ANKS1B: variants seen among roughly 807,000 people sequenced by gnomAD.
ANKS1B encodes the protein ankyrin repeat and sterile alpha motif domain containing 1B, also known as ankyrin repeat and sterile alpha motif domain-containing protein 1B.
ANKS1B carries 36 observed loss-of-function variants against 148.3 expected under a neutral mutation model. That is an observed-to-expected ratio of 0.24 (90% CI 0.19 to 0.32). ANKS1B has a LOEUF of 0.32. Ranked by LOEUF, ANKS1B falls within the 10% of genes least tolerant of loss-of-function variation. The pLI, the probability that ANKS1B is intolerant of heterozygous loss-of-function variation, is 1.00. For synonymous variants in ANKS1B, 542 were observed against 560.8 expected (o/e 0.97, Z 0.47); for missense variants, 1,157 against 1,542.6 (o/e 0.75, Z 4.19).
chr12:99,885,161 C>CT (rs2092754783), intron 1 of ANKS1B, among the ~76,000 whole-genome samples: 1 of 152,062 alleles, frequency 6.6e-6, no homozygotes, highest in South Asian at 2.1e-4. Context: ...CTCTTCCCTA[C>CT]TTTGCTTGGC....
chr12:99,889,440 CAT>C (rs1603439732), intron 1 of ANKS1B, among the ~76,000 whole-genome samples: 1 of 152,122 alleles, frequency 6.6e-6, no homozygotes, highest in Admixed American at 6.5e-5. Flanking sequence ...TCTTTTTTTG[CAT>C]ATATGTCACC....
intron 8 of ANKS1B, among the ~76,000 whole-genome samples, chr12:99,771,347 C>T (rs1016067961): frequency 6.6e-6 from 1 of 151,678 alleles, no homozygotes; most frequent in Admixed American, 6.6e-5. Flanking sequence ...GTACGTACAA[C>T]AAAAAAGTTT....
intron 10 of ANKS1B, among the ~76,000 whole-genome samples, chr12:99,489,956 C>T (rs564322305): frequency 4.6e-4 from 70 of 152,332 alleles, no homozygotes; most frequent in African/African-American, 1.6e-3. Flanking sequence ...GGTTCTCCCA[C>T]AGAGAATGAG....
intron 12 of ANKS1B, among the ~76,000 whole-genome samples, chr12:99,338,305 C>T (rs538966362): frequency 2.6e-5 from 4 of 152,312 alleles, no homozygotes; most frequent in African/African-American, 9.6e-5. Context: ...GTGGGTACCA[C>T]TGCCCCAGGC....
At chr12:99,294,182 C>T (rs1374386952) in intron 12 of ANKS1B, among the ~76,000 whole-genome samples, 1 of 152,004 alleles carries the variant, frequency 6.6e-6, no homozygotes, top group Non-Finnish European at 1.5e-5. Flanking sequence ...AGTTATATAC[C>T]CAAATGAAAT....
chr12:98,897,049 C>A (rs1176447974), intron 17 of ANKS1B, among the ~76,000 whole-genome samples: 14 of 152,102 alleles, frequency 9.2e-5, no homozygotes, highest in Non-Finnish European at 1.3e-4. Context: ...ACTCTAGAGT[C>A]ATTTGGGATG....
At chr12:99,539,370 T>C (rs2097103565) in intron 9 of ANKS1B, among the ~76,000 whole-genome samples, 1 of 152,184 alleles carries the variant, frequency 6.6e-6, no homozygotes, top group Non-Finnish European at 1.5e-5. Flanking sequence ...GAGGAAATAT[T>C]GGGGCAAAGT....
At chr12:99,919,770 C>T (rs1174742222) in intron 1 of ANKS1B, among the ~76,000 whole-genome samples, 1 of 101,328 alleles carries the variant, frequency 9.9e-6, no homozygotes, top group Non-Finnish European at 2.0e-5. Flanking sequence ...TTGAAATGTG[C>T]TGCAGAGTTA....
intron 17 of ANKS1B, among the ~76,000 whole-genome samples, chr12:99,000,506 T>G (rs1274016868): frequency 1.3e-5 from 2 of 152,164 alleles, no homozygotes; most frequent in Non-Finnish European, 2.9e-5. Flanking sequence ...TGGCCTCAAG[T>G]GATCCTCCTG....
chr12:99,451,786 C>CGTGTGTGTGTGTGTGT lies in ANKS1B; in HGVS notation c.1439-7993_1439-7978dup, dbSNP rs147892225. 4.5e-3 allele frequency among the ~76,000 whole-genome samples: 684 copies of CGTGTGTGTGTGTGTGT among 150,540 alleles called. 7 individuals carry two copies. Among genetic ancestry groups the CGTGTGTGTGTGTGTGT allele is most frequent in the African/African-American group, 0.016 (642 of 41,068 alleles). ...AAGACAAATGAGGCATGTACAGATA[C>CGTGTGTGTGTGTGTGT]GTGTGTGTGTGTGTGTATGTGTATG... On this transcript the variant is annotated intron_variant, in intron 10 of 26. Coordinates refer to ENST00000683438, the MANE Select transcript of ANKS1B (RefSeq NM_001352186.2).
chr12:98,860,176 T>C (rs2099591657), intron 17 of ANKS1B, among the ~76,000 whole-genome samples: 3 of 152,252 alleles, frequency 2.0e-5, no homozygotes, highest in Admixed American at 1.3e-4. Context: ...AAGACCTGAA[T>C]ATCCTGATAC....
chr12:98,825,858 C>T (rs918801044), intron 19 of ANKS1B, among the ~76,000 whole-genome samples: 3 of 152,206 alleles, frequency 2.0e-5, no homozygotes, highest in African/African-American at 7.2e-5. Context: ...TTCCACATAA[C>T]TCAGAATTAA....
intron 17 of ANKS1B, among the ~76,000 whole-genome samples, chr12:98,844,540 C>A (rs1242338497): frequency 6.6e-6 from 1 of 152,106 alleles, no homozygotes; most frequent in Non-Finnish European, 1.5e-5. Context: ...CTTTTTTTGA[C>A]AGGTATTAGT....
intron 12 of ANKS1B, among the ~76,000 whole-genome samples, chr12:99,312,263 G>T (rs748613788): frequency 1.3e-5 from 2 of 152,120 alleles, no homozygotes; most frequent in African/African-American, 2.4e-5. Context: ...TTAACAAAAG[G>T]CATTGGCAAC....
intron 15 of ANKS1B, among the ~76,000 whole-genome samples, chr12:99,120,540 G>A (rs1010536100): frequency 2.0e-5 from 3 of 152,142 alleles, no homozygotes; most frequent in African/African-American, 7.2e-5. Context: ...GCAAGGCATT[G>A]GTTTAGAAAC....
At chr12:98,742,711 A>G (rs1409491704), downstream of ANKS1B, among the ~76,000 whole-genome samples, 1 of 152,270 alleles carries the variant, frequency 6.6e-6, no homozygotes, top group Non-Finnish European at 1.5e-5. Flanking sequence ...GGCCTGAGCA[A>G]GTTCAAAGCG....
chr12:99,054,042 A>T (rs540249275), intron 16 of ANKS1B, among the ~76,000 whole-genome samples: 1 of 152,192 alleles, frequency 6.6e-6, no homozygotes. Flanking sequence ...AGCAAGAGGA[A>T]CTTCTGGGTT....
intron 16 of ANKS1B, among the ~76,000 whole-genome samples, chr12:99,079,072 C>A (rs2048799202): frequency 6.6e-6 from 1 of 152,140 alleles, no homozygotes; most frequent in Non-Finnish European, 1.5e-5. Flanking sequence ...GAGCCTGAAT[C>A]CTGCCTACAA....
chr12:99,818,864 A>T (rs1247074891), intron 2 of ANKS1B, among the ~76,000 whole-genome samples: 1 of 151,836 alleles, frequency 6.6e-6, no homozygotes, highest in African/African-American at 2.4e-5. Flanking sequence ...ATAAATACAC[A>T]TCTGATTAAT....
Sources: gnomAD v4.1 joint callset for allele counts (sites outside exome capture counted in the v4.1 genomes callset) on GRCh38, gnomAD v4.1.1 for gene constraint, MANE v1.5 for transcripts, NCBI Gene and HGNC (gene_info 2026-07-23, HGNC 2026-07-21) for gene names.